Variants in LRP1B observed in about 807,000 individuals in gnomAD.
LRP1B encodes low-density lipoprotein receptor-related protein 1B.
A neutral mutation model predicts 556.6 loss-of-function variants in LRP1B; 217 were observed. The ratio of observed to expected loss-of-function variants is 0.39; its 90% confidence interval spans 0.35 to 0.44. LRP1B has a LOEUF of 0.44. LRP1B is among the 20% of genes least tolerant of loss of function. The pLI, the probability that LRP1B is intolerant of heterozygous loss-of-function variation, is 1.00. For synonymous variants in LRP1B, 2,047 were observed against 1,865.8 expected, an observed-to-expected ratio of 1.10 and a Z score of -2.50; for missense variants, 5,053 against 5,620.8, an observed-to-expected ratio of 0.90 and a Z score of 3.23.
At chr2:142,035,321 A>G (rs987523795) in intron 1 of LRP1B, among the ~76,000 whole-genome samples, 3 of 151,646 alleles carry the variant, frequency 2.0e-5, no homozygotes, top group African/African-American at 7.3e-5. Flanking sequence ...TATTTGAAGA[A>G]ATTTTCCTAG....
At chr2:140,919,446 C>T (rs1694674786) in intron 21 of LRP1B, among the ~76,000 whole-genome samples, 1 of 152,118 alleles carries the variant, frequency 6.6e-6, no homozygotes. Flanking sequence ...AAGTAACTAC[C>T]ACTGGCAGCA....
intron 3 of LRP1B, among the ~76,000 whole-genome samples, chr2:141,335,520 A>T (rs1687816717): frequency 6.6e-6 from 1 of 152,188 alleles, no homozygotes; most frequent in South Asian, 2.1e-4. Flanking sequence ...CAAGAACTGG[A>T]GATCTGCTGA....
chr2:141,879,439 A>C (rs1698880840), intron 1 of LRP1B, among the ~76,000 whole-genome samples: 1 of 151,996 alleles, frequency 6.6e-6, no homozygotes, highest in Non-Finnish European at 1.5e-5. Flanking sequence ...TAGTGCTTAA[A>C]AATGTTAACA....
chr2:140,720,779 T>TA (rs1687373569), intron 35 of LRP1B, among the ~76,000 whole-genome samples: 1 of 152,136 alleles, frequency 6.6e-6, no homozygotes, highest in Non-Finnish European at 1.5e-5. Flanking sequence ...AAAATTCAGT[T>TA]ATGTTTTCTG....
At chr2:141,392,704 C>T (rs912542483) in intron 3 of LRP1B, among the ~76,000 whole-genome samples, 7 of 152,020 alleles carry the variant, frequency 4.6e-5, no homozygotes, top group Non-Finnish European at 8.8e-5. Context: ...TTTTTTGAGT[C>T]ATAATGTCAA....
intron 23 of LRP1B, among the ~76,000 whole-genome samples, chr2:140,888,451 A>G (rs1693703397): frequency 1.3e-5 from 2 of 151,758 alleles, no homozygotes; most frequent in African/African-American, 2.4e-5. Context: ...TTAAAAGAAT[A>G]ACAAAATATA....
chr2:140,396,305 A>G (rs1414110396), intron 66 of LRP1B, among the ~76,000 whole-genome samples: 1 of 152,230 alleles, frequency 6.6e-6, no homozygotes, highest in Non-Finnish European at 1.5e-5. Flanking sequence ...AAGTAAATAC[A>G]TTAAAAGTTG....
intron 3 of LRP1B, among the ~76,000 whole-genome samples, chr2:141,342,254 AAAAT>A (rs1688092915): frequency 7.5e-6 from 1 of 132,740 alleles, no homozygotes; most frequent in African/African-American, 3.0e-5. Flanking sequence ...AAAAAAAAAA[AAAAT>A]AAAATAAATA....
chr2:141,912,535 A>G (rs1699930714), intron 1 of LRP1B, among the ~76,000 whole-genome samples: 1 of 152,218 alleles, frequency 6.6e-6, no homozygotes, highest in Admixed American at 6.5e-5. Flanking sequence ...GGAAACATCA[A>G]TAGAAAAACT....
intron 1 of LRP1B, among the ~76,000 whole-genome samples, chr2:142,119,686 T>C (rs1001061949): frequency 6.6e-6 from 1 of 152,128 alleles, no homozygotes; most frequent in African/African-American, 2.4e-5. Flanking sequence ...TTTCATATAT[T>C]CTCTAGGCTG....
At chr2:141,809,420 G>A (rs1006472921) in intron 2 of LRP1B, among the ~76,000 whole-genome samples, 2 of 151,772 alleles carry the variant, frequency 1.3e-5, no homozygotes, top group Admixed American at 6.6e-5. Flanking sequence ...GTTACTCTGG[G>A]GATGATATTG....
At chr2:140,340,700 T>C (rs1681346253) in intron 77 of LRP1B, among the ~76,000 whole-genome samples, 1 of 151,490 alleles carries the variant, frequency 6.6e-6, no homozygotes, top group Non-Finnish European at 1.5e-5. Context: ...CTTTTAAAAT[T>C]AACATGTCAC....
chr2:140,545,518 C>T (rs1437995491), intron 43 of LRP1B, among the ~76,000 whole-genome samples: 1 of 152,100 alleles, frequency 6.6e-6, no homozygotes, highest in Non-Finnish European at 1.5e-5. Context: ...AGCTATTTAT[C>T]CCAGCACCAT....
At chr2:141,693,398 A>G (rs72983806) in intron 2 of LRP1B, among the ~76,000 whole-genome samples, 38,756 of 152,002 alleles carry the variant, frequency 0.25, 5,294 homozygotes, top group East Asian at 0.5. Flanking sequence ...TTAATCTATA[A>G]CCATTCCCAA....
intron 3 of LRP1B, among the ~76,000 whole-genome samples, chr2:141,304,291 A>G (rs773476290): frequency 1.3e-5 from 2 of 151,440 alleles, no homozygotes; most frequent in Non-Finnish European, 2.9e-5. Context: ...ACCTATTTTT[A>G]TTTTTGTTAC....
chr2:140,489,597 T>C (rs1688616143), intron 57 of LRP1B, among the ~76,000 whole-genome samples: 1 of 152,212 alleles, frequency 6.6e-6, no homozygotes, highest in Non-Finnish European at 1.5e-5. Flanking sequence ...TTGAATGTGT[T>C]CCAGGCAAGT....
intron 3 of LRP1B, among the ~76,000 whole-genome samples, chr2:141,465,658 T>C (rs1682162109): frequency 6.6e-6 from 1 of 150,734 alleles, no homozygotes; most frequent in African/African-American, 2.4e-5. Flanking sequence ...CAAGCCATCC[T>C]CCCACCTCAG....
chr2:141,495,410 CAAAGGTCAACAG>C (rs771776675), intron 2 of LRP1B, among the ~76,000 whole-genome samples: 27 of 152,006 alleles, frequency 1.8e-4, no homozygotes, highest in Non-Finnish European at 3.1e-4. Flanking sequence ...TAAGAAAAAG[CAAAGGTCAACAG>C]AAATGTACAG....
chr2:141,466,927 A>T (rs1223876522), intron 3 of LRP1B, among the ~76,000 whole-genome samples: 1 of 141,840 alleles, frequency 7.1e-6, no homozygotes. Flanking sequence ...GATATGGCAT[A>T]AGTGAAAAGG....
Sources: gnomAD v4.1 joint callset for allele counts (sites outside exome capture counted in the v4.1 genomes callset) on GRCh38, gnomAD v4.1.1 for gene constraint, MANE v1.5 for transcripts, NCBI Gene and HGNC (gene_info 2026-07-23, HGNC 2026-07-21) for gene names.